SLC12A7: variants seen among roughly 807,000 people sequenced by gnomAD.
The protein encoded by SLC12A7 is solute carrier family 12 member 7.
SLC12A7 carries 100 observed loss-of-function variants against 120.6 expected under a neutral mutation model. That is an observed-to-expected ratio of 0.83 (90% CI 0.71 to 0.98). The LOEUF is 0.98. Ranked by LOEUF, SLC12A7 falls within the 50% of genes least tolerant of loss-of-function variation. The probability of loss-of-function intolerance (pLI) is 0.00; values close to 1 mark genes in which losing one functional copy is unlikely to be tolerated. For synonymous variants in SLC12A7, 760 were observed against 678.0 expected (o/e 1.12, Z -1.88); for missense variants, 1,373 against 1,548.1 (o/e 0.89, Z 1.90).
chr5:1,102,503 C>T (rs983397879), intron 1 of SLC12A7, among the ~76,000 whole-genome samples: 2 of 152,222 alleles, frequency 1.3e-5, no homozygotes, highest in African/African-American at 2.4e-5. Context: ...CAGCCTCAGC[C>T]GGAAGCAGCT....
At chr5:1,093,025 T>C (rs1740696233) in intron 3 of SLC12A7, among the ~76,000 whole-genome samples, 1 of 152,078 alleles carries the variant, frequency 6.6e-6, no homozygotes, top group African/African-American at 2.4e-5. Flanking sequence ...AGGGAAACCT[T>C]TCCCCACTGC....
chr5:1,114,872 T>C (rs1442778738), upstream of SLC12A7, among the ~76,000 whole-genome samples: 4 of 152,174 alleles, frequency 2.6e-5, no homozygotes, highest in Non-Finnish European at 5.9e-5. Context: ...GATTTTCCAG[T>C]GCGTGGTGGC....
At chr5:1,155,719 C>G in the SLC12A7 span, among the ~76,000 whole-genome samples, 2 of 150,980 alleles carry the variant, frequency 1.3e-5, no homozygotes, top group African/African-American at 4.8e-5. Context: ...GGAAGCGGGT[C>G]CTCGTCAGGC....
chr5:1,155,651 G>C, the SLC12A7 span, among the ~76,000 whole-genome samples: 1 of 151,248 alleles, frequency 6.6e-6, no homozygotes, highest in Non-Finnish European at 1.5e-5. Context: ...CCCTCGAGGG[G>C]ACCGGCACCT....
At chr5:1,060,296 C>G (rs1736049043) in intron 21 of SLC12A7, 48 bp downstream of exon 21, 1 of 1,427,260 alleles carries the variant, frequency 7.0e-7, no homozygotes. Flanking sequence ...GCGAAGTCGG[C>G]TATACTTCTC....
Position 1,057,490 on chromosome 5 carries a change from C to T in SLC12A7, c.3007G>A (p.Asp1003Asn), listed in dbSNP as rs1422157421. The change falls in exon 22 of 24, where the codon GAC becomes AAC. Residue 1003 changes from aspartate (D) to asparagine (N), a missense_variant. Coordinates refer to ENST00000264930, the MANE Select transcript of SLC12A7 (RefSeq NM_006598.3). ...SRDTSLSGFKDLFSMKPDQSN... is the reference protein window; with the variant it reads ...SRDTSLSGFKNLFSMKPDQSN... ...ACTCACGGCTTCATGCTGAAGAGGT[C>T]TTTGAAACCAGATAGGCTGGTGTCT... 1.1e-5 allele frequency: 18 copies of T among 1,612,474 alleles called. No homozygotes were observed. The highest frequency in any genetic ancestry group is 2.7e-5 in the African/African-American group (2 of 74,930).
chr5:1,060,352 C>T lies in SLC12A7; in HGVS notation c.2839G>A (p.Glu947Lys). ...KQMQLSKNEQ[E>K]REAQLIHDRN... ...CCACGGCCCCCACGTACCTCTCGCT[C>T]CTGCTCGTTCTTGGACAGCTGCATC... The change falls in exon 21 of 24, where the codon GAG (glutamate) becomes AAG (lysine). Residue 947 changes from glutamate (E) to lysine (K), a missense_variant. Transcript: ENST00000264930. The T allele has an allele frequency of 6.2e-7, 1 of 1,613,066 alleles. No individual in the cohort carries two copies. Among genetic ancestry groups the T allele is most frequent in the Non-Finnish European group, 8.5e-7 (1 of 1,179,480 alleles).
At chr5:1,087,554 G>C (rs1740005782) in intron 5 of SLC12A7, among the ~76,000 whole-genome samples, 1 of 152,244 alleles carries the variant, frequency 6.6e-6, no homozygotes, top group South Asian at 2.1e-4. Flanking sequence ...AATGGACGCG[G>C]CCATCGTGAA....
intron 3 of SLC12A7, among the ~76,000 whole-genome samples, chr5:1,093,047 T>C (rs947814517): frequency 4.6e-5 from 7 of 152,146 alleles, no homozygotes; most frequent in Admixed American, 1.3e-4. Flanking sequence ...CCCCCCTCGT[T>C]TCCTAGGACG....
chr5:1,060,941 G>T (rs1417025138), intron 20 of SLC12A7, among the ~76,000 whole-genome samples: 2 of 151,990 alleles, frequency 1.3e-5, no homozygotes, highest in African/African-American at 2.4e-5. Context: ...GGACCCCTGC[G>T]CCTCACCCGG....
At chr5:1,136,262 C>T in the SLC12A7 span, among the ~76,000 whole-genome samples, 1 of 150,454 alleles carries the variant, frequency 6.6e-6, no homozygotes, top group Admixed American at 6.6e-5. Context: ...CGAGAAATCA[C>T]GACTCCTCCT....
rs1738548308 is a variant in SLC12A7 at position 1,077,902 on chromosome 5, C to A, written c.1560G>T (p.Leu520=). The change falls in exon 12 of 24, where the codon CTG becomes CTT. Residue 520 remains leucine (L), a synonymous_variant. Transcript: ENST00000264930. ...GSFFSTCGAG[L]QSLTGAPRLL... ...GGCGCGGTGCCCCCGTGAGGCTCTGCAGGCCGGCACCGCAGGTGGAGAAGA... is the reference window on the plus strand; with the variant it reads ...GGCGCGGTGCCCCCGTGAGGCTCTGAAGGCCGGCACCGCAGGTGGAGAAGA... 1 of 1,599,120 alleles carries A rather than the reference C, an allele frequency of 6.3e-7. No homozygotes were observed. The highest frequency in any genetic ancestry group is 1.1e-5 in the South Asian group (1 of 88,926).
Position 1,086,357 on chromosome 5 carries a change from C to A in SLC12A7, c.675+546G>T, listed in dbSNP as rs72707233. Among the ~76,000 whole-genome samples the A allele has an allele frequency of 6.2e-3, 937 of 152,280 alleles. 5 individuals carry two copies. The highest frequency in any genetic ancestry group is 0.011 in the Non-Finnish European group (718 of 68,020). On this transcript the variant is annotated intron_variant, in intron 6 of 23. Coordinates refer to ENST00000264930, the MANE Select transcript of SLC12A7 (RefSeq NM_006598.3). ...CAGCAGGAAGGACAGCACCCGTCGG[C>A]CAGAGAAGGGCGGTTCCCGTCCCCA...
At chr5:1,135,346 C>G in the SLC12A7 span, among the ~76,000 whole-genome samples, 3 of 151,946 alleles carry the variant, frequency 2.0e-5, no homozygotes, top group African/African-American at 7.3e-5. Flanking sequence ...CACACACAAC[C>G]ACCATGCTCC....
chr5:1,089,990 A>T (rs1459209613), intron 3 of SLC12A7, among the ~76,000 whole-genome samples: 1 of 152,238 alleles, frequency 6.6e-6, no homozygotes, highest in Non-Finnish European at 1.5e-5. Context: ...TAACAGGAAA[A>T]CGTCTCAAGG....
intron 1 of SLC12A7, among the ~76,000 whole-genome samples, chr5:1,098,255 C>T (rs1237598531): frequency 1.4e-5 from 1 of 70,124 alleles, no homozygotes; most frequent in South Asian, 6.5e-4. Context: ...CCCCCTCTAA[C>T]CCTCTGCACG....
the SLC12A7 span, among the ~76,000 whole-genome samples, chr5:1,137,215 G>A: frequency 2.6e-5 from 4 of 151,912 alleles, no homozygotes; most frequent in South Asian, 2.1e-4. Context: ...CATCACAGGC[G>A]GGGCCACCTG....
chr5:1,094,930 T>C (rs1380638306), intron 1 of SLC12A7, among the ~76,000 whole-genome samples: 1 of 147,554 alleles, frequency 6.8e-6, no homozygotes, highest in Non-Finnish European at 1.5e-5. Context: ...GCAAGGGAAT[T>C]GGTGGGGAGG....
chr5:1,103,413 G>A (rs1374267749), intron 1 of SLC12A7, among the ~76,000 whole-genome samples: 14 of 151,976 alleles, frequency 9.2e-5, no homozygotes, highest in African/African-American at 2.9e-4. Context: ...ATGAACACAC[G>A]CCACAGAAAA....
Sources: gnomAD v4.1 joint callset for allele counts (sites outside exome capture counted in the v4.1 genomes callset) on GRCh38, gnomAD v4.1.1 for gene constraint, MANE v1.5 for transcripts, NCBI Gene and HGNC (gene_info 2026-07-23, HGNC 2026-07-21) for gene names.